STK39: variants seen among roughly 807,000 people sequenced by gnomAD.
STK39 encodes STE20/SPS1-related proline-alanine-rich protein kinase.
STK39 carries 20 observed loss-of-function variants against 77.8 expected under a neutral mutation model. The observed-to-expected ratio is 0.26, with a 90% CI of 0.18 to 0.37. The LOEUF (loss-of-function observed/expected upper bound fraction) is 0.37. Among genes scored for constraint, STK39 ranks in the 10% least tolerant of loss-of-function variants. The pLI, the probability that STK39 is intolerant of heterozygous loss-of-function variation, is 1.00. For missense variants in STK39, 479 were observed against 656.5 expected (o/e 0.73, Z 2.95); for synonymous variants, 246 against 234.1 (o/e 1.05, Z -0.47).
intron 16 of STK39, among the ~76,000 whole-genome samples, chr2:167,984,466 G>T (rs964995983): frequency 1.3e-5 from 2 of 152,192 alleles, no homozygotes; most frequent in African/African-American, 4.8e-5. Flanking sequence ...TCTGAGAGCT[G>T]CACTGAAGCG....
chr2:167,969,529 CTT>C (rs1397261204), intron 16 of STK39, among the ~76,000 whole-genome samples: 1 of 152,318 alleles, frequency 6.6e-6, no homozygotes, highest in African/African-American at 2.4e-5. Context: ...CCCCTACACT[CTT>C]ATCATCGTGT....
intron 7 of STK39, 41 bp downstream of exon 7, chr2:168,140,248 T>G: frequency 6.7e-7 from 1 of 1,491,592 alleles, no homozygotes; most frequent in Non-Finnish European, 9.4e-7. Context: ...TTCCGTCCAA[T>G]CACATTTCAA....
chr2:168,043,562 C>A (rs1035906501), intron 14 of STK39, among the ~76,000 whole-genome samples: 5 of 152,228 alleles, frequency 3.3e-5, no homozygotes, highest in Admixed American at 2.0e-4. Flanking sequence ...TCTGCAAATT[C>A]TCCTTGCAGG....
chr2:167,990,128 G>A (rs1683662879), intron 16 of STK39, among the ~76,000 whole-genome samples: 1 of 152,074 alleles, frequency 6.6e-6, no homozygotes, highest in South Asian at 2.1e-4. Context: ...CAGGTAAGGA[G>A]GACAATGAGA....
chr2:168,237,971 A>G (rs1016374126), intron 1 of STK39, among the ~76,000 whole-genome samples: 3 of 152,320 alleles, frequency 2.0e-5, no homozygotes, highest in African/African-American at 7.2e-5. Context: ...AGAAAGAAAG[A>G]GAACCAGATG....
At chr2:167,961,901 TG>T (rs1388656658) in intron 17 of STK39, among the ~76,000 whole-genome samples, 1 of 152,186 alleles carries the variant, frequency 6.6e-6, no homozygotes, top group Non-Finnish European at 1.5e-5. Context: ...CCAGGCTCTC[TG>T]GGGTTAATTT....
intron 1 of STK39, among the ~76,000 whole-genome samples, chr2:168,222,303 T>C (rs1690193331): frequency 6.6e-6 from 1 of 152,310 alleles, no homozygotes; most frequent in African/African-American, 2.4e-5. Flanking sequence ...AACCTCCCAA[T>C]GTCCCCATCA....
chr2:167,986,449 A>C (rs1448736529), intron 16 of STK39, among the ~76,000 whole-genome samples: 1 of 152,200 alleles, frequency 6.6e-6, no homozygotes, highest in Non-Finnish European at 1.5e-5. Flanking sequence ...TTTTATATTT[A>C]TAAAAGGGTC....
chr2:168,139,236 GAAAGAAAAACTGAATA>G (rs1489621517), intron 7 of STK39, among the ~76,000 whole-genome samples: 2 of 151,878 alleles, frequency 1.3e-5, no homozygotes, highest in East Asian at 3.9e-4. Flanking sequence ...AGAAAATGAA[GAAAGAAAAACTGAATA>G]AAAGAAAAAA....
At chr2:168,233,636 G>GA (rs11437094) in intron 1 of STK39, among the ~76,000 whole-genome samples, 55,989 of 151,990 alleles carry the variant, frequency 0.37, 10,684 homozygotes, top group Non-Finnish European at 0.44. Flanking sequence ...CAAAGGAAAA[G>GA]AGGGACTATG....
At chr2:168,074,118 T>C (rs955823888) in intron 12 of STK39, among the ~76,000 whole-genome samples, 3 of 152,156 alleles carry the variant, frequency 2.0e-5, no homozygotes, top group Non-Finnish European at 4.4e-5. Flanking sequence ...GTGGCTCTGC[T>C]GTCCTCCTCC....
rs560494961 is a variant in STK39 at position 168,049,108 on chromosome 2, A to C, written c.1376+14392T>G. ...TCGTTGGATTGTCAGTTGATGTAACAGTCAAAGAAAAACAGTGTGAAATAA... is the reference window on the plus strand; with the variant it reads ...TCGTTGGATTGTCAGTTGATGTAACCGTCAAAGAAAAACAGTGTGAAATAA... On this transcript the variant is annotated intron_variant, in intron 14 of 17. Transcript: ENST00000355999. Among the ~76,000 whole-genome samples the C allele has an allele frequency of 1.2e-3, 177 of 152,344 alleles. 1 individual carries two copies. Among genetic ancestry groups the C allele is most frequent in the African/African-American group, 4.1e-3 (171 of 41,582 alleles).
rs571247194 is a variant in STK39 at position 168,095,067 on chromosome 2, A to T, written c.1090-19836T>A. ...TGCCTCTGCCACAGTTCTAGTACAG[A>T]CCCCCATCACCTCAGGCCTAGCTGT... On this transcript the variant is annotated intron_variant, in intron 10 of 17. Transcript: ENST00000355999. 2.2e-4 allele frequency among the ~76,000 whole-genome samples: 33 copies of T among 151,760 alleles called. 1 individual carries two copies. Among genetic ancestry groups the T allele is most frequent in the Non-Finnish European group, 4.1e-4 (28 of 67,912 alleles).
Position 168,074,926 on chromosome 2 carries a change from G to C in STK39, c.1242+56C>G. ...ATCTCCCCTAAATGGATCAGACTCT[G>C]ATACCACAAGAAAGGAATGAAATGG... On this transcript the variant is annotated intron_variant, in intron 12 of 17. Coordinates refer to ENST00000355999, the MANE Select transcript of STK39 (RefSeq NM_013233.3). The C allele has an allele frequency of 1.9e-6, 3 of 1,592,356 alleles. No homozygotes were observed. In the South Asian group the frequency reaches 3.4e-5, roughly 18 times the overall value.
intron 1 of STK39, among the ~76,000 whole-genome samples, chr2:168,242,933 T>C (rs985425611): frequency 1.3e-4 from 20 of 150,864 alleles, no homozygotes; most frequent in Non-Finnish European, 2.4e-4. Flanking sequence ...CATTTCTATA[T>C]ACATTTTTCT....
chr2:168,108,744 G>A (rs1044756906), intron 10 of STK39, among the ~76,000 whole-genome samples: 3 of 152,046 alleles, frequency 2.0e-5, no homozygotes, highest in Admixed American at 6.5e-5. Context: ...CAATATTCAC[G>A]CATATTTCAA....
intron 16 of STK39, among the ~76,000 whole-genome samples, chr2:167,981,385 C>T (rs569289599): frequency 6.6e-6 from 1 of 152,314 alleles, no homozygotes; most frequent in African/African-American, 2.4e-5. Flanking sequence ...ATAATATTAT[C>T]CTGCTCTTCC....
chr2:168,237,602 A>G (rs1259220630), intron 1 of STK39, among the ~76,000 whole-genome samples: 2 of 152,130 alleles, frequency 1.3e-5, no homozygotes, highest in Non-Finnish European at 2.9e-5. Flanking sequence ...AGCTCTTATT[A>G]TTTTGAGATA....
At chr2:167,964,781 A>G in intron 16 of STK39, 55 bp from the exon 17 acceptor site, 5 of 1,452,654 alleles carry the variant, frequency 3.4e-6, no homozygotes, top group Non-Finnish European at 4.7e-6. Flanking sequence ...ATAACAGTGG[A>G]TTTTCACATC....
Sources: allele counts gnomAD v4.1 joint callset (sites outside exome capture counted in the v4.1 genomes callset), GRCh38; gene constraint gnomAD v4.1.1; transcripts MANE v1.5; gene names NCBI Gene and HGNC (gene_info 2026-07-23, HGNC 2026-07-21).